PRR11: variants seen among roughly 807,000 people sequenced by gnomAD.
The protein encoded by PRR11 is proline rich 11, also known as proline-rich protein 11.
Under a neutral mutation model 45.6 loss-of-function variants are expected in PRR11, and 30 were observed. The observed-to-expected ratio is 0.66, with a 90% CI of 0.49 to 0.89. The LOEUF (loss-of-function observed/expected upper bound fraction) is 0.89. PRR11 is among the 40% of genes least tolerant of loss of function. The pLI, the probability that PRR11 is intolerant of heterozygous loss-of-function variation, is 0.00. For missense variants in PRR11, 373 were observed against 424.8 expected (o/e 0.88, Z 1.07); for synonymous variants, 128 against 153.5 (o/e 0.83, Z 1.23).
At chr17:59,182,849 G>T (rs2046795605) in intron 2 of PRR11, among the ~76,000 whole-genome samples, 1 of 152,132 alleles carries the variant, frequency 6.6e-6, no homozygotes, top group African/African-American at 2.4e-5. Context: ...GCGGTTGATG[G>T]CTGGTCATGA....
chr17:59,166,479 C>G (rs1220133239), intron 1 of PRR11, among the ~76,000 whole-genome samples: 2 of 151,798 alleles, frequency 1.3e-5, no homozygotes, highest in Non-Finnish European at 2.9e-5. Flanking sequence ...TTTGTTTTTT[C>G]ATTTTGTACC....
chr17:59,196,802 A>G (rs1030965029), intron 7 of PRR11, among the ~76,000 whole-genome samples: 2 of 152,138 alleles, frequency 1.3e-5, no homozygotes, highest in African/African-American at 2.4e-5. Context: ...GAAGTATTAC[A>G]TATTGGAATG....
chr17:59,176,504 C>T (rs535752192), intron 2 of PRR11, among the ~76,000 whole-genome samples: 7 of 151,878 alleles, frequency 4.6e-5, no homozygotes, highest in African/African-American at 1.7e-4. Flanking sequence ...CGGAGGAGGT[C>T]GATGGCGTTT....
chr17:59,163,489 ATT>A (rs762999454), intron 1 of PRR11: 1 of 152,100 alleles, frequency 6.6e-6, no homozygotes, highest in Non-Finnish European at 1.5e-5. Flanking sequence ...TTATATGCTT[ATT>A]TTTTTAAGCA....
chr17:59,173,813 T>G (rs1186595102), intron 2 of PRR11, among the ~76,000 whole-genome samples: 1 of 152,322 alleles, frequency 6.6e-6, no homozygotes, highest in South Asian at 2.1e-4. Flanking sequence ...CAGGTTCTTC[T>G]AGATGATCTG....
At chr17:59,178,579 C>T (rs2046762371) in intron 2 of PRR11, 4 of 524,286 alleles carry the variant, frequency 7.6e-6, no homozygotes, top group Admixed American at 3.9e-5. Context: ...ACAGGGTTTC[C>T]GTGGGAGCAG....
chr17:59,169,692 C>A, intron 1 of PRR11, 56 bp from the exon 2 acceptor site: 1 of 1,393,354 alleles, frequency 7.2e-7, no homozygotes, highest in South Asian at 1.4e-5. Flanking sequence ...GATTTGTGTA[C>A]TTTCTATATG....
intron 2 of PRR11, among the ~76,000 whole-genome samples, chr17:59,171,777 C>A (rs548666151): frequency 4.7e-4 from 72 of 152,002 alleles, no homozygotes; most frequent in African/African-American, 1.6e-3. Context: ...ATAAAAATTT[C>A]TATGACAGGA....
chr17:59,182,450 A>G (rs552340117), intron 2 of PRR11, among the ~76,000 whole-genome samples: 11 of 134,390 alleles, frequency 8.2e-5, no homozygotes, highest in Non-Finnish European at 1.7e-4. Context: ...GGAGTGCGGT[A>G]GCACAATCTT....
At position 59,202,617 on chromosome 17, in the gene PRR11, G is replaced by A. The variant is rs1485444170; in HGVS notation, c.*986G>A. The A allele has an allele frequency of 3.3e-5, 5 of 152,044 alleles. No individual in the cohort carries two copies. In the East Asian group the frequency reaches 9.6e-4, roughly 29 times the overall value. 9.4% of individuals were successfully genotyped at this position (152,044 alleles called of 1,614,324 possible). A position where few individuals can be genotyped will look rare whatever the true frequency, so the allele number is the denominator to read the frequency against. ...ATATCATTTCTAGCATCTTAGGTAG[G>A]TACTTATATCTGGCTTACAGAAGTC... On this transcript the variant is annotated 3_prime_UTR_variant, in exon 10 of 10. Coordinates refer to ENST00000262293, the MANE Select transcript of PRR11 (RefSeq NM_018304.4).
chr17:59,174,583 C>G (rs1292718245), intron 2 of PRR11, among the ~76,000 whole-genome samples: 2 of 152,326 alleles, frequency 1.3e-5, no homozygotes, highest in African/African-American at 4.8e-5. Flanking sequence ...TCCAGTGATC[C>G]TCCCACATCA....
intron 2 of PRR11, among the ~76,000 whole-genome samples, chr17:59,170,224 C>T (rs569336020): frequency 7.8e-4 from 119 of 151,846 alleles, no homozygotes; most frequent in African/African-American, 2.7e-3. Context: ...TGCACTCAAG[C>T]CTGGGCAACA....
intron 1 of PRR11, among the ~76,000 whole-genome samples, chr17:59,163,109 T>C (rs1428654414): frequency 1.3e-5 from 2 of 149,924 alleles, no homozygotes; most frequent in Admixed American, 6.7e-5. Context: ...TTTTTTTTTT[T>C]AGATGGACTC....
chr17:59,173,397 C>T lies in PRR11; in HGVS notation c.128+3517C>T, dbSNP rs1253485174. On this transcript the variant is annotated intron_variant, in intron 2 of 9. Transcript: ENST00000262293. ...TGTTCTTTGGCACTTTGCAATGAAT[C>T]TTGCTACTGGTCACTCTTTGGGTCC... Among the ~76,000 whole-genome samples the T allele has an allele frequency of 2.0e-5, 3 of 152,228 alleles. No individual in the cohort carries two copies. The East Asian group carries it at 5.8e-4, about 29-fold the overall frequency.
At position 59,193,499 on chromosome 17, in the gene PRR11, C is replaced by G; in HGVS notation, c.410C>G (p.Ser137Ter). Residue 137 changes from serine to a stop codon, truncating the protein, a stop_gained, in exon 5 of 10, where the codon TCA becomes TGA. Coordinates refer to ENST00000262293, the MANE Select transcript of PRR11 (RefSeq NM_018304.4). LOFTEE classifies it high-confidence loss of function. Reference protein sequence around the residue: ...CKLQEALKTISESSSCPSCGQ... With the variant: ...CKLQEALKTI ...TGTGATGTCTTCTTCCAGACCATCTCAGAAAGTTCTTCCTGTCCAAGCTGT... is the reference window on the plus strand; with the variant it reads ...TGTGATGTCTTCTTCCAGACCATCTGAGAAAGTTCTTCCTGTCCAAGCTGT... 1 of 1,614,154 alleles carries G rather than the reference C, an allele frequency of 6.2e-7. No homozygotes were observed. The highest frequency in any genetic ancestry group is 2.2e-5 in the East Asian group (1 of 44,896).
intron 2 of PRR11, among the ~76,000 whole-genome samples, chr17:59,182,389 CTT>C (rs147890743): frequency 4.7e-5 from 5 of 107,326 alleles, no homozygotes; most frequent in Non-Finnish European, 5.4e-5. Flanking sequence ...TCTGACCCTT[CTT>C]TTTTTTTTTT....
chr17:59,179,568 C>T, intron 2 of PRR11: 7 of 1,454,120 alleles, frequency 4.8e-6, no homozygotes, highest in Non-Finnish European at 6.5e-6. Context: ...ATATTTTTCC[C>T]ATTGGAAAAG....
chr17:59,178,580 G>C, intron 2 of PRR11: 1 of 524,400 alleles, frequency 1.9e-6, no homozygotes, highest in South Asian at 1.4e-5. Context: ...CAGGGTTTCC[G>C]TGGGAGCAGC....
intron 1 of PRR11, among the ~76,000 whole-genome samples, chr17:59,168,855 G>A (rs2046692453): frequency 6.6e-6 from 1 of 152,142 alleles, no homozygotes; most frequent in Non-Finnish European, 1.5e-5. Context: ...TGCATTGACA[G>A]ATTGTCTAAT....
Sources: gnomAD v4.1 joint callset for allele counts (sites outside exome capture counted in the v4.1 genomes callset) on GRCh38, gnomAD v4.1.1 for gene constraint, MANE v1.5 for transcripts, NCBI Gene and HGNC (gene_info 2026-07-23, HGNC 2026-07-21) for gene names.